Variants in FBXO34 observed in about 807,000 individuals in gnomAD.
FBXO34 encodes F-box protein 34.
A neutral mutation model predicts 24.5 loss-of-function variants in FBXO34; 12 were observed. The ratio of observed to expected loss-of-function variants is 0.49; its 90% CI spans 0.31 to 0.79. FBXO34 has a LOEUF of 0.79. Ranked by LOEUF, FBXO34 falls within the 30% of genes least tolerant of loss-of-function variation. The pLI, the probability that FBXO34 is intolerant of heterozygous loss-of-function variation, is 0.04. For synonymous variants in FBXO34, 320 were observed against 311.9 expected, an observed-to-expected ratio of 1.03 and a Z score of -0.27; for missense variants, 823 against 857.7, an observed-to-expected ratio of 0.96 and a Z score of 0.51.
At chr14:55,411,304 C>A in the FBXO34 span, among the ~76,000 whole-genome samples, 3 of 152,234 alleles carry the variant, frequency 2.0e-5, no homozygotes, top group Admixed American at 1.3e-4. Flanking sequence ...ATGGCAGCAA[C>A]GGGAAAACTT....
At chr14:55,413,719 T>TA in the FBXO34 span, 1 of 293,316 alleles carries the variant, frequency 3.4e-6, no homozygotes, top group Non-Finnish European at 6.7e-6. Context: ...TCAGGAAACT[T>TA]ACTTGGCTCT....
At chr14:55,303,394 G>A (rs1434116009) in intron 1 of FBXO34, among the ~76,000 whole-genome samples, 1 of 152,140 alleles carries the variant, frequency 6.6e-6, no homozygotes, top group Non-Finnish European at 1.5e-5. Context: ...CTAAGATGTA[G>A]CTTCTCTTAG....
chr14:55,391,073 T>A, the FBXO34 span: 2 of 892,262 alleles, frequency 2.2e-6, no homozygotes, highest in Admixed American at 5.8e-5. Flanking sequence ...CACTGCTTAT[T>A]TTCAGATATG....
chr14:55,294,355 T>C (rs374610646), intron 1 of FBXO34, among the ~76,000 whole-genome samples: 1 of 152,056 alleles, frequency 6.6e-6, no homozygotes, highest in Non-Finnish European at 1.5e-5. Context: ...AGTGCAGTGG[T>C]GTGAACACTG....
chr14:55,388,701 T>G, the FBXO34 span, among the ~76,000 whole-genome samples: 1 of 152,184 alleles, frequency 6.6e-6, no homozygotes, highest in Non-Finnish European at 1.5e-5. Context: ...AACAACAAGC[T>G]CTTAAGCATG....
At chr14:55,275,554 C>A (rs527236449) in intron 1 of FBXO34, among the ~76,000 whole-genome samples, 1 of 151,782 alleles carries the variant, frequency 6.6e-6, no homozygotes, top group East Asian at 1.9e-4. Flanking sequence ...GTGGCTCATG[C>A]CTGTGATCCC....
At chr14:55,328,316 A>G (rs1883420237) in intron 1 of FBXO34, among the ~76,000 whole-genome samples, 1 of 152,098 alleles carries the variant, frequency 6.6e-6, no homozygotes, top group African/African-American at 2.4e-5. Flanking sequence ...GAAACACTAT[A>G]AGGCTTCTCT....
chr14:55,418,251 C>A, the FBXO34 span, among the ~76,000 whole-genome samples: 2 of 152,326 alleles, frequency 1.3e-5, no homozygotes, highest in African/African-American at 4.8e-5. Context: ...CCCCAGCCCC[C>A]AGCACATTAC....
chr14:55,324,098 C>A (rs1308265228), intron 1 of FBXO34, among the ~76,000 whole-genome samples: 1 of 152,012 alleles, frequency 6.6e-6, no homozygotes, highest in African/African-American at 2.4e-5. Flanking sequence ...TCCCTCCTCC[C>A]CCCCAGTGGT....
chr14:55,334,205 G>A (rs372668337), intron 1 of FBXO34, among the ~76,000 whole-genome samples: 7 of 152,230 alleles, frequency 4.6e-5, no homozygotes, highest in African/African-American at 1.7e-4. Context: ...AGAAAGCAGG[G>A]CGCTAATCAG....
the FBXO34 span, chr14:55,440,361 G>T: frequency 6.2e-7 from 1 of 1,612,176 alleles, no homozygotes; most frequent in Admixed American, 1.7e-5. Context: ...GGCGGGACTT[G>T]GGTCCTGACT....
intron 1 of FBXO34, among the ~76,000 whole-genome samples, chr14:55,330,466 A>T (rs998917929): frequency 1.3e-5 from 2 of 152,036 alleles, no homozygotes; most frequent in Non-Finnish European, 1.5e-5. Context: ...TATGATCTGC[A>T]TGACTGTAAA....
chr14:55,289,175 C>CT (rs545942898), intron 1 of FBXO34, among the ~76,000 whole-genome samples: 3 of 151,966 alleles, frequency 2.0e-5, no homozygotes, highest in African/African-American at 7.2e-5. Flanking sequence ...TTAGCCTTCT[C>CT]TTTTTTCCCC....
intron 1 of FBXO34, among the ~76,000 whole-genome samples, chr14:55,273,775 AC>A (rs1881240725): frequency 6.6e-6 from 1 of 152,172 alleles, no homozygotes; most frequent in African/African-American, 2.4e-5. Flanking sequence ...GGGGCCGGCT[AC>A]ACGGCTGTAT....
chr14:55,437,824 C>T, the FBXO34 span, among the ~76,000 whole-genome samples: 1 of 152,156 alleles, frequency 6.6e-6, no homozygotes, highest in African/African-American at 2.4e-5. Flanking sequence ...CATGGTTATT[C>T]CTTCTAGGCA....
In FBXO34 at chr14:55,351,850, C is replaced by T. The variant is rs1234486317; in HGVS notation, c.1460C>T (p.Pro487Leu). 1 of 1,614,032 alleles carries T rather than the reference C, an allele frequency of 6.2e-7. No homozygotes were observed. Among genetic ancestry groups the T allele is most frequent in the Non-Finnish European group, 8.5e-7 (1 of 1,179,988 alleles). Residue 487 changes from proline to leucine, a missense_variant, in exon 2 of 2, where the codon CCT becomes CTT. Physicochemically the swap from Pro to Leu is moderately conservative, Grantham distance 98. Coordinates refer to ENST00000313833, the MANE Select transcript of FBXO34 (RefSeq NM_017943.4). ...PVPGMLFFLP[P>L]GQHLSDYSQL... ...CCAGGGATGTTGTTTTTTTTGCCAC[C>T]TGGTCAGCACTTGTCAGACTATTCC...
intron 1 of FBXO34, among the ~76,000 whole-genome samples, chr14:55,321,558 G>A (rs533639409): frequency 1.3e-5 from 2 of 152,112 alleles, no homozygotes; most frequent in Admixed American, 6.6e-5. Flanking sequence ...CACCACCCCC[G>A]GCTAAGTTTC....
chr14:55,277,478 G>A (rs1314015678), intron 1 of FBXO34, among the ~76,000 whole-genome samples: 1 of 152,154 alleles, frequency 6.6e-6, no homozygotes, highest in South Asian at 2.1e-4. Context: ...GTGCCACCAT[G>A]CCTGGCTGCT....
At chr14:55,305,452 G>A (rs1882509016) in intron 1 of FBXO34, among the ~76,000 whole-genome samples, 1 of 151,298 alleles carries the variant, frequency 6.6e-6, no homozygotes, top group African/African-American at 2.4e-5. Flanking sequence ...GGTGCGGTGC[G>A]TGGTGGCTGA....
Sources: allele counts gnomAD v4.1 joint callset (sites outside exome capture counted in the v4.1 genomes callset), GRCh38; gene constraint gnomAD v4.1.1; transcripts MANE v1.5; gene names NCBI Gene and HGNC (gene_info 2026-07-23, HGNC 2026-07-21).